Variants in ATP8A1 observed in about 807,000 individuals in gnomAD.
ATP8A1 encodes phospholipid-transporting ATPase IA.
A neutral mutation model predicts 177.7 loss-of-function variants in ATP8A1; 90 were observed. The ratio of observed to expected loss-of-function variants is 0.51; its 90% CI spans 0.43 to 0.60. ATP8A1 has a LOEUF of 0.60. ATP8A1 is among the 20% of genes least tolerant of loss of function. ATP8A1 has a pLI of 0.00. For synonymous variants in ATP8A1, 493 were observed against 485.9 expected, an observed-to-expected ratio of 1.01 and a Z score of -0.19; for missense variants, 1,072 against 1,392.8, an observed-to-expected ratio of 0.77 and a Z score of 3.67.
At chr4:42,609,830 G>A (rs1736192992) in intron 5 of ATP8A1, among the ~76,000 whole-genome samples, 1 of 152,102 alleles carries the variant, frequency 6.6e-6, no homozygotes, top group African/African-American at 2.4e-5. Flanking sequence ...AAAAGCACAA[G>A]TGGAAGCCTA....
intron 24 of ATP8A1, among the ~76,000 whole-genome samples, chr4:42,495,858 G>C (rs1425018063): frequency 6.6e-6 from 1 of 152,074 alleles, no homozygotes; most frequent in Non-Finnish European, 1.5e-5. Flanking sequence ...TATTGCTAAA[G>C]ATAATGGGGA....
At chr4:42,529,001 C>T (rs943566407) in intron 20 of ATP8A1, among the ~76,000 whole-genome samples, 3 of 152,150 alleles carry the variant, frequency 2.0e-5, no homozygotes, top group African/African-American at 7.2e-5. Flanking sequence ...CAATGAGAGG[C>T]ACAATGCCTA....
At chr4:42,477,991 A>C (rs1721259630) in intron 25 of ATP8A1, among the ~76,000 whole-genome samples, 1 of 151,738 alleles carries the variant, frequency 6.6e-6, no homozygotes, top group South Asian at 2.1e-4. Flanking sequence ...TCAAAAACAA[A>C]AACAAACAAA....
At chr4:42,594,427 T>C (rs547260099) in intron 6 of ATP8A1, 11 of 916,584 alleles carry the variant, frequency 1.2e-5, no homozygotes, top group Admixed American at 9.7e-5. Context: ...ATACAACCCA[T>C]TGTAAAAAGC....
At chr4:42,617,251 A>G (rs1288152858) in intron 4 of ATP8A1, among the ~76,000 whole-genome samples, 1 of 152,232 alleles carries the variant, frequency 6.6e-6, no homozygotes, top group Admixed American at 6.5e-5. Context: ...ACAATCAGCT[A>G]CTGAACTGCA....
At chr4:42,602,428 TC>T (rs1419014529) in intron 5 of ATP8A1, among the ~76,000 whole-genome samples, 2 of 152,050 alleles carry the variant, frequency 1.3e-5, no homozygotes, top group Non-Finnish European at 1.5e-5. Context: ...TCTGCCAGAG[TC>T]CAACAGTATG....
At chr4:42,501,423 G>C (rs1723845291) in intron 24 of ATP8A1, among the ~76,000 whole-genome samples, 1 of 152,216 alleles carries the variant, frequency 6.6e-6, no homozygotes, top group South Asian at 2.1e-4. Flanking sequence ...CCCACAGTCA[G>C]ATTGGGACAG....
intron 22 of ATP8A1, among the ~76,000 whole-genome samples, chr4:42,521,666 G>A (rs1199423597): frequency 1.3e-5 from 2 of 152,070 alleles, no homozygotes; most frequent in South Asian, 2.1e-4. Context: ...TTACAGCTGC[G>A]ACAGAAATAA....
intron 24 of ATP8A1, among the ~76,000 whole-genome samples, chr4:42,493,921 G>A (rs775242675): frequency 2.0e-5 from 3 of 151,366 alleles, no homozygotes; most frequent in Non-Finnish European, 4.4e-5. Flanking sequence ...CACGAAACGC[G>A]CCAGGTCCGG....
Position 42,594,288 on chromosome 4 carries a change from C to T in ATP8A1, c.451-3404G>A, listed in dbSNP as rs760065006. On this transcript the variant is annotated intron_variant, in intron 6 of 36. Coordinates refer to ENST00000381668, the MANE Select transcript of ATP8A1 (RefSeq NM_006095.2). The stretch of plus-strand genomic sequence containing the variant: ...GTTTGAGCATCAGTAGGCATCTCTA[C>T]CTTGATGAGAGAAGTACAGTGTCAG... 5 of 1,583,028 alleles carry T rather than the reference C, an allele frequency of 3.2e-6. No homozygotes were observed. The South Asian group carries it at 4.5e-5, about 14-fold the overall frequency.
chr4:42,523,037 A>T (rs948544004), intron 21 of ATP8A1, among the ~76,000 whole-genome samples: 1 of 152,200 alleles, frequency 6.6e-6, no homozygotes, highest in African/African-American at 2.4e-5. Flanking sequence ...TCCTCTTACT[A>T]GGATATATGA....
intron 4 of ATP8A1, among the ~76,000 whole-genome samples, chr4:42,619,847 T>C (rs1196652050): frequency 6.6e-6 from 1 of 152,108 alleles, no homozygotes; most frequent in African/African-American, 2.4e-5. Flanking sequence ...TATAAAGAGA[T>C]GCGTGCTCCA....
intron 29 of ATP8A1, among the ~76,000 whole-genome samples, chr4:42,452,994 T>G (rs983072561): frequency 7.9e-5 from 12 of 152,234 alleles, no homozygotes; most frequent in African/African-American, 2.7e-4. Flanking sequence ...TGATCCAATT[T>G]ACGCTCCAAT....
chr4:42,602,000 T>TG (rs146197185), intron 5 of ATP8A1, among the ~76,000 whole-genome samples: 43,676 of 151,974 alleles, frequency 0.29, 6,408 homozygotes, highest in East Asian at 0.47. Flanking sequence ...TTAGCCATTT[T>TG]TTTTTTATTA....
At chr4:42,484,148 A>G (rs1194719067) in intron 25 of ATP8A1, among the ~76,000 whole-genome samples, 1 of 152,236 alleles carries the variant, frequency 6.6e-6, no homozygotes, top group Non-Finnish European at 1.5e-5. Flanking sequence ...TAGTCAAGAC[A>G]TTTGCAAGGA....
rs1717983964 is a variant in ATP8A1 at position 42,452,033 on chromosome 4, G to C, written c.2844C>G (p.Gly948=). Residue 948 remains glycine, a synonymous_variant, in exon 30 of 37, where the codon GGC becomes GGG. Transcript: ENST00000381668. ...AAAACAGAATAACTGAGTGGAAGAGGCCATTTAAACAATGAACCCAGAAAA... is the reference window on the plus strand; with the variant it reads ...AAAACAGAATAACTGAGTGGAAGAGCCCATTTAAACAATGAACCCAGAAAA... ...TKVFWVHCLN[G]LFHSVILFWF... 4 of 1,613,008 alleles carry C rather than the reference G, an allele frequency of 2.5e-6. No individual in the cohort carries two copies. In the East Asian group the frequency reaches 8.9e-5, roughly 36 times the overall value.
At chr4:42,555,888 G>A (rs1730181570) in intron 16 of ATP8A1, 80 bp downstream of exon 16, 1 of 901,936 alleles carries the variant, frequency 1.1e-6, no homozygotes, top group East Asian at 2.8e-5. Context: ...AGAGAAACAT[G>A]TAAACATAGA....
At position 42,480,554 on chromosome 4, in the gene ATP8A1, G is replaced by T. The variant is rs544399214; in HGVS notation, c.2324+4942C>A. ...TGTTGAGCATTTATTAGCTTCATTT[G>T]TGCTTTATGACTACTTTTTAAGTAG... is the stretch of plus-strand genomic sequence containing the variant. On this transcript the variant is annotated intron_variant, in intron 25 of 36. Coordinates refer to ENST00000381668, the MANE Select transcript of ATP8A1 (RefSeq NM_006095.2). 1.6e-4 allele frequency among the ~76,000 whole-genome samples: 24 copies of T among 152,174 alleles called. 1 individual carries two copies. The South Asian group carries it at 4.6e-3, about 29-fold the overall frequency.
intron 4 of ATP8A1, among the ~76,000 whole-genome samples, chr4:42,624,162 A>G (rs993213682): frequency 1.3e-5 from 2 of 152,044 alleles, no homozygotes; most frequent in East Asian, 3.8e-4. Flanking sequence ...GCATTTAATA[A>G]AATGAAATTT....
Sources: gnomAD v4.1 joint callset for allele counts (sites outside exome capture counted in the v4.1 genomes callset) on GRCh38, gnomAD v4.1.1 for gene constraint, MANE v1.5 for transcripts, NCBI Gene and HGNC (gene_info 2026-07-23, HGNC 2026-07-21) for gene names.